Variants in TASP1 observed in about 807,000 individuals in gnomAD.
TASP1 encodes threonine aspartase 1.
Under a neutral mutation model 56.6 loss-of-function variants are expected in TASP1, and 16 were observed. The observed-to-expected ratio is 0.28, with a 90% CI of 0.19 to 0.43. The LOEUF (loss-of-function observed/expected upper bound fraction) is 0.43, where lower values mean the gene tolerates loss of function less well. Among genes scored for constraint, TASP1 ranks in the 20% least tolerant of loss-of-function variants. The pLI is 1.00. For synonymous variants in TASP1, 179 were observed against 184.2 expected, an observed-to-expected ratio of 0.97 and a Z score of 0.23; for missense variants, 393 against 511.6, an observed-to-expected ratio of 0.77 and a Z score of 2.24.
At chr20:13,557,580 T>G (rs986651973) in intron 8 of TASP1, among the ~76,000 whole-genome samples, 8 of 139,392 alleles carry the variant, frequency 5.7e-5, no homozygotes, top group South Asian at 2.4e-4. Context: ...TGGTTTTTTT[T>G]TTTTTTTTTT....
At chr20:13,259,031 C>A in the TASP1 span, among the ~76,000 whole-genome samples, 1 of 152,090 alleles carries the variant, frequency 6.6e-6, no homozygotes, top group Non-Finnish European at 1.5e-5. Context: ...GCCTGTAATC[C>A]CAACACTTTG....
intron 10 of TASP1, among the ~76,000 whole-genome samples, chr20:13,523,345 G>A (rs1241748993): frequency 1.3e-5 from 2 of 152,164 alleles, no homozygotes; most frequent in South Asian, 2.1e-4. Flanking sequence ...TACCCTTAAA[G>A]AGCAATGACC....
At chr20:13,104,772 T>C in the TASP1 span, among the ~76,000 whole-genome samples, 10 of 152,296 alleles carry the variant, frequency 6.6e-5, no homozygotes, top group South Asian at 2.1e-3. Context: ...TGTGCCTAGA[T>C]GGTGTCAAAA....
At chr20:13,183,178 C>T in the TASP1 span, among the ~76,000 whole-genome samples, 2 of 152,180 alleles carry the variant, frequency 1.3e-5, no homozygotes, top group Non-Finnish European at 2.9e-5. Flanking sequence ...TGAAGTCATC[C>T]AAGCCAGAAG....
intron 4 of TASP1, among the ~76,000 whole-genome samples, chr20:13,588,064 T>A (rs1275274663): frequency 6.6e-6 from 1 of 151,882 alleles, no homozygotes; most frequent in African/African-American, 2.4e-5. Context: ...AGATTGAGGC[T>A]CCAGCAAACC....
chr20:13,542,412 T>TA (rs2045657800), intron 8 of TASP1, among the ~76,000 whole-genome samples: 1 of 152,166 alleles, frequency 6.6e-6, no homozygotes. Context: ...CAACAAATCA[T>TA]ACTCCACAAT....
intron 5 of TASP1, among the ~76,000 whole-genome samples, chr20:13,582,613 G>T (rs1285817699): frequency 6.6e-6 from 1 of 152,028 alleles, no homozygotes; most frequent in African/African-American, 2.4e-5. Flanking sequence ...ACAAAATAAA[G>T]AAATGTCAAT....
the TASP1 span, among the ~76,000 whole-genome samples, chr20:13,223,934 C>T: frequency 1.3e-5 from 2 of 152,052 alleles, no homozygotes; most frequent in Admixed American, 6.6e-5. Flanking sequence ...TAGAATAACC[C>T]GGGGTTGGCC....
the TASP1 span, among the ~76,000 whole-genome samples, chr20:13,105,857 T>G: frequency 2.8e-4 from 43 of 152,154 alleles, no homozygotes; most frequent in African/African-American, 1.0e-3. Flanking sequence ...TATAAAATAT[T>G]ATAGACATAA....
chr20:13,147,052 G>T, the TASP1 span, among the ~76,000 whole-genome samples: 1 of 152,180 alleles, frequency 6.6e-6, no homozygotes, highest in Admixed American at 6.5e-5. Flanking sequence ...CTGAGCAGCT[G>T]GTGGGAGGTG....
chr20:13,359,491 G>A, the TASP1 span, among the ~76,000 whole-genome samples: 31,691 of 149,992 alleles, frequency 0.21, 3,923 homozygotes, highest in African/African-American at 0.37. Flanking sequence ...CCGAGCTTCG[G>A]GTAACTCTCA....
chr20:13,316,209 C>A, the TASP1 span, among the ~76,000 whole-genome samples: 1 of 151,746 alleles, frequency 6.6e-6, no homozygotes, highest in African/African-American at 2.4e-5. Context: ...TGGATCAATT[C>A]CTGGAAAAAC....
chr20:13,148,016 C>T, the TASP1 span, among the ~76,000 whole-genome samples: 2 of 152,090 alleles, frequency 1.3e-5, no homozygotes, highest in Non-Finnish European at 2.9e-5. Flanking sequence ...CTTAGGATTA[C>T]GGGGGAAATG....
At chr20:13,112,860 A>C in the TASP1 span, among the ~76,000 whole-genome samples, 2 of 152,182 alleles carry the variant, frequency 1.3e-5, no homozygotes, top group Non-Finnish European at 2.9e-5. Context: ...GCCTTTATAC[A>C]GGTGTTCTAA....
the TASP1 span, chr20:13,117,354 T>G: frequency 0.06 from 38,944 of 648,116 alleles, 1,375 homozygotes; most frequent in Middle Eastern, 0.11. Flanking sequence ...CTTACAAGAT[T>G]GAAAGGGTTG....
chr20:13,506,093 A>C (rs2044120112), intron 10 of TASP1, among the ~76,000 whole-genome samples: 1 of 152,180 alleles, frequency 6.6e-6, no homozygotes, highest in African/African-American at 2.4e-5. Flanking sequence ...GAAATCCAAA[A>C]GATTACAAGA....
At chr20:13,147,795 C>T in the TASP1 span, among the ~76,000 whole-genome samples, 215 of 152,292 alleles carry the variant, frequency 1.4e-3, 6 homozygotes, top group East Asian at 0.036. Context: ...GGACAGTGGT[C>T]ATATGCTAAA....
At chr20:13,380,938 A>G in the TASP1 span, among the ~76,000 whole-genome samples, 18 of 152,138 alleles carry the variant, frequency 1.2e-4, no homozygotes, top group Non-Finnish European at 2.6e-4. Flanking sequence ...CTCCAAGCTC[A>G]AGCATCCCAG....
chr20:13,478,101 T>G (rs188219347), intron 11 of TASP1, among the ~76,000 whole-genome samples: 84 of 152,266 alleles, frequency 5.5e-4, no homozygotes, highest in African/African-American at 2.0e-3. Context: ...TACTAGCTAC[T>G]TTAGGAAAAA....
Sources: allele counts gnomAD v4.1 joint callset (sites outside exome capture counted in the v4.1 genomes callset), GRCh38; gene constraint gnomAD v4.1.1; transcripts MANE v1.5; gene names NCBI Gene and HGNC (gene_info 2026-07-23, HGNC 2026-07-21).